PCDH11X: variants seen among roughly 807,000 people sequenced by gnomAD.
PCDH11X encodes protocadherin-11 X-linked.
Under a neutral mutation model 53.3 loss-of-function variants are expected in PCDH11X, and 18 were observed. The observed-to-expected ratio is 0.34, with a 90% CI of 0.23 to 0.50. PCDH11X has a LOEUF of 0.50. PCDH11X is among the 20% of genes least tolerant of loss of function. The pLI, the probability that PCDH11X is intolerant of heterozygous loss-of-function variation, is 0.98. For synonymous variants in PCDH11X, 279 were observed against 393.3 expected (o/e 0.71, Z 3.44); for missense variants, 570 against 1,032.4 (o/e 0.55, Z 6.14).
At chrX:91,784,029 T>A (rs1935251407) in intron 1 of PCDH11X, among the ~76,000 whole-genome samples, 1 of 111,950 alleles carries the variant, frequency 8.9e-6, no homozygotes, top group Non-Finnish European at 1.9e-5. Flanking sequence ...ATCTGGAAGG[T>A]CATGCCCTGT....
intron 5 of PCDH11X, among the ~76,000 whole-genome samples, chrX:91,861,360 G>C (rs1307517027): frequency 1.8e-5 from 2 of 110,440 alleles, no homozygotes; most frequent in African/African-American, 6.6e-5. Context: ...GCCCCAGTGA[G>C]ATCAGAGTTC....
At chrX:92,094,393 T>A (rs1438859086) in intron 6 of PCDH11X, among the ~76,000 whole-genome samples, 2 of 110,483 alleles carry the variant, frequency 1.8e-5, no homozygotes, top group African/African-American at 6.6e-5. Flanking sequence ...AAATAGAGAT[T>A]TGATTTTGAG....
intron 6 of PCDH11X, among the ~76,000 whole-genome samples, chrX:92,136,963 C>G (rs901605389): frequency 5.0e-5 from 5 of 100,500 alleles, no homozygotes; most frequent in Admixed American, 2.2e-4. Context: ...TTTCTCTACT[C>G]GTCATTTTTG....
At chrX:92,332,703 G>T (rs921690889) in intron 8 of PCDH11X, among the ~76,000 whole-genome samples, 4 of 108,225 alleles carry the variant, frequency 3.7e-5, no homozygotes, top group Non-Finnish European at 5.7e-5. Context: ...AATCAATCTT[G>T]AAATGTAGTT....
intron 4 of PCDH11X, among the ~76,000 whole-genome samples, chrX:91,826,034 G>T (rs79172181): frequency 0.013 from 1,379 of 110,066 alleles, 7 homozygotes; most frequent in Non-Finnish European, 0.02. Context: ...GGACCCAACA[G>T]GCCTTCTCTA....
At chrX:91,966,172 G>A (rs2061861353) in intron 6 of PCDH11X, among the ~76,000 whole-genome samples, 2 of 107,161 alleles carry the variant, frequency 1.9e-5, no homozygotes, top group South Asian at 4.2e-4. Flanking sequence ...TTTTCTGAGA[G>A]GCCTGAACAT....
At chrX:91,833,958 C>T (rs6615304) in intron 4 of PCDH11X, among the ~76,000 whole-genome samples, 12,978 of 110,919 alleles carry the variant, frequency 0.12, 1,857 homozygotes, top group African/African-American at 0.4. Flanking sequence ...AATTCCTTAA[C>T]TGGATACCTA....
intron 10 of PCDH11X, among the ~76,000 whole-genome samples, chrX:92,568,615 C>T (rs1236159917): frequency 1.8e-5 from 2 of 109,709 alleles, no homozygotes; most frequent in East Asian, 5.7e-4. Context: ...TATATTGATA[C>T]TTAAGTATCA....
intron 10 of PCDH11X, among the ~76,000 whole-genome samples, chrX:92,507,341 T>C (rs1297968360): frequency 9.0e-6 from 1 of 111,121 alleles, no homozygotes; most frequent in Non-Finnish European, 1.9e-5. Flanking sequence ...TGTTTCTAAC[T>C]TCTTGGTGTG....
At chrX:92,118,891 G>A (rs1361117139) in intron 6 of PCDH11X, among the ~76,000 whole-genome samples, 6 of 103,381 alleles carry the variant, frequency 5.8e-5, no homozygotes, top group Non-Finnish European at 7.9e-5. Context: ...ACAGGCGCCC[G>A]CCACCACGCC....
intron 6 of PCDH11X, among the ~76,000 whole-genome samples, chrX:92,090,345 C>T (rs2064029008): frequency 9.1e-6 from 1 of 109,769 alleles, no homozygotes; most frequent in South Asian, 3.9e-4. Flanking sequence ...ATAACTAGAG[C>T]AGAATGATAG....
chrX:91,957,623 C>T (rs761260717), intron 6 of PCDH11X, among the ~76,000 whole-genome samples: 1 of 111,191 alleles, frequency 9.0e-6, no homozygotes, highest in Admixed American at 9.5e-5. Flanking sequence ...GCAAAGATAA[C>T]AGCCAGATCC....
intron 6 of PCDH11X, among the ~76,000 whole-genome samples, chrX:91,946,631 G>A (rs1228492628): frequency 2.2e-5 from 2 of 89,011 alleles, no homozygotes; most frequent in African/African-American, 8.2e-5. Context: ...GGAAGGATTT[G>A]TGATATATTT....
chrX:92,201,389 T>C lies in PCDH11X; in HGVS notation c.3048T>C (p.Val1016=), dbSNP rs754999058. Residue 1016 remains valine, a synonymous_variant, in exon 7 of 11, where the codon GTT becomes GTC. Coordinates refer to ENST00000682573, the MANE Select transcript of PCDH11X (RefSeq NM_032968.5). ...SVHTRPPMKE[V]VRSCTPMKES... is the part of the protein sequence containing the mutation. ...CCCTTCTAAAGCCAATGAAGGAGGT[T>C]GTGCGATCTTGCACCCCCATGAAAG... 8.3e-7 allele frequency: 1 copy of C among 1,202,450 alleles called. No individual in the cohort carries two copies. The highest frequency in any genetic ancestry group is 1.1e-6 in the Non-Finnish European group (1 of 889,418).
intron 6 of PCDH11X, among the ~76,000 whole-genome samples, chrX:92,104,047 T>C (rs1476093635): frequency 9.0e-6 from 1 of 111,284 alleles, no homozygotes; most frequent in East Asian, 2.8e-4. Flanking sequence ...TTTTTATATT[T>C]GATGAAAAAG....
intron 10 of PCDH11X, among the ~76,000 whole-genome samples, chrX:92,597,548 A>G (rs1925769370): frequency 8.9e-6 from 1 of 112,010 alleles, no homozygotes; most frequent in African/African-American, 3.2e-5. Flanking sequence ...AAAAGGTAAA[A>G]TATTCCATGT....
chrX:91,898,379 A>T (rs927965603), intron 6 of PCDH11X, among the ~76,000 whole-genome samples: 1 of 109,402 alleles, frequency 9.1e-6, no homozygotes, highest in African/African-American at 3.3e-5. Context: ...GCTCACTTGC[A>T]TGGTAGGAAT....
intron 6 of PCDH11X, among the ~76,000 whole-genome samples, chrX:92,101,648 A>T (rs181042745): frequency 0.033 from 3,662 of 109,749 alleles, 189 homozygotes; most frequent in African/African-American, 0.12. Context: ...ATGACTGCGG[A>T]GGCCTTCTCA....
Position 92,201,416 on chromosome X carries a change from G to A in PCDH11X, c.3075G>A (p.Glu1025=), listed in dbSNP as rs1439123434. The part of the protein sequence containing the change: ...EVVRSCTPMK[E]STTMEIWIHP... ...TGCGATCTTGCACCCCCATGAAAGAGTCTACAACTATGGAGATCTGGATTC... is the reference window on the plus strand; with the variant it reads ...TGCGATCTTGCACCCCCATGAAAGAATCTACAACTATGGAGATCTGGATTC... Residue 1025 remains glutamate (E), a synonymous_variant, in exon 7 of 11, where the codon GAG becomes GAA. Transcript: ENST00000682573. 2 of 1,203,217 alleles carry A rather than the reference G, an allele frequency of 1.7e-6. No homozygotes were observed. Among genetic ancestry groups the A allele is most frequent in the Non-Finnish European group, 2.2e-6 (2 of 890,920 alleles).
Sources: allele counts gnomAD v4.1 joint callset (sites outside exome capture counted in the v4.1 genomes callset), GRCh38; gene constraint gnomAD v4.1.1; transcripts MANE v1.5; gene names NCBI Gene and HGNC (gene_info 2026-07-23, HGNC 2026-07-21).